Variants in TMEM272 observed in about 807,000 individuals in gnomAD.
TMEM272 encodes long intergenic non-protein coding RNA 282.
A neutral mutation model predicts 3.7 loss-of-function variants in TMEM272; 8 were observed. The ratio of observed to expected loss-of-function variants is 2.17; its 90% CI spans 1.27 to 3.91. The LOEUF is 3.91. Ranked by LOEUF, TMEM272 falls within the 30% of genes most tolerant of loss-of-function variation. TMEM272 has a pLI of 0.00. For synonymous variants in TMEM272, 63 were observed against 39.8 expected (o/e 1.58, Z -2.20); for missense variants, 166 against 91.5 (o/e 1.81, Z -3.32).
intron 4 of TMEM272, among the ~76,000 whole-genome samples, chr13:51,821,770 G>T (rs1956081782): frequency 6.7e-6 from 1 of 149,762 alleles, no homozygotes; most frequent in Non-Finnish European, 1.5e-5. Flanking sequence ...ATAACTGGCA[G>T]TCAGGGACTC....
the TMEM272 span, among the ~76,000 whole-genome samples, chr13:51,918,482 AG>A: frequency 6.6e-6 from 1 of 152,270 alleles, no homozygotes; most frequent in Non-Finnish European, 1.5e-5. Context: ...GAGGAATAGA[AG>A]AAGCAAAAAT....
At chr13:51,925,502 C>A in the TMEM272 span, among the ~76,000 whole-genome samples, 1 of 152,128 alleles carries the variant, frequency 6.6e-6, no homozygotes, top group Non-Finnish European at 1.5e-5. Context: ...GCAATACACA[C>A]ATCCCTACAC....
the TMEM272 span, among the ~76,000 whole-genome samples, chr13:51,922,882 C>A: frequency 6.6e-6 from 1 of 152,232 alleles, no homozygotes; most frequent in African/African-American, 2.4e-5. Flanking sequence ...ATCCTCCTAC[C>A]TCCCTCTTAG....
At chr13:51,869,488 G>T in the TMEM272 span, among the ~76,000 whole-genome samples, 1 of 134,370 alleles carries the variant, frequency 7.4e-6, no homozygotes, top group Non-Finnish European at 1.6e-5. Flanking sequence ...TCCCAATTCA[G>T]TAATTTTTTT....
intron 2 of TMEM272, among the ~76,000 whole-genome samples, chr13:51,836,359 G>T (rs1956216488): frequency 6.6e-6 from 1 of 152,084 alleles, no homozygotes; most frequent in Non-Finnish European, 1.5e-5. Flanking sequence ...GTGGTATTCT[G>T]TTATAGCAGC....
the TMEM272 span, among the ~76,000 whole-genome samples, chr13:51,852,880 CAAAA>C: frequency 4.5e-5 from 5 of 110,708 alleles, no homozygotes; most frequent in Non-Finnish European, 4.0e-5. Flanking sequence ...AAAACTCCGT[CAAAA>C]AAAAAAAAAA....
At chr13:51,928,361 C>G in the TMEM272 span, among the ~76,000 whole-genome samples, 2 of 152,174 alleles carry the variant, frequency 1.3e-5, no homozygotes, top group Non-Finnish European at 2.9e-5. Flanking sequence ...TTGAGCACTC[C>G]GGATGTGCCG....
chr13:51,828,507 G>C (rs993197427), intron 2 of TMEM272, among the ~76,000 whole-genome samples: 1 of 152,106 alleles, frequency 6.6e-6, no homozygotes, highest in African/African-American at 2.4e-5. Context: ...AATGTTGATG[G>C]GGGCAGGCAT....
At chr13:51,923,244 A>C in the TMEM272 span, among the ~76,000 whole-genome samples, 1 of 152,154 alleles carries the variant, frequency 6.6e-6, no homozygotes, top group East Asian at 1.9e-4. Context: ...TTGACAAACC[A>C]AGTCCAGTCC....
At chr13:51,844,262 G>GTAGACACACACACATATATATGTATA (rs1956286947) in intron 1 of TMEM272, among the ~76,000 whole-genome samples, 1 of 112,844 alleles carries the variant, frequency 8.9e-6, no homozygotes, top group Non-Finnish European at 1.8e-5. Context: ...ATATATGATT[G>GTAGACACACACACATATATATGTATA]TGTTTTTACT....
upstream of TMEM272, among the ~76,000 whole-genome samples, chr13:51,847,272 A>G (rs4245357): frequency 0.86 from 130,362 of 152,142 alleles, 56,361 homozygotes; most frequent in Middle Eastern, 0.92. Flanking sequence ...GCAGGTGAGC[A>G]ATCATTACCA....
chr13:51,865,884 C>G, the TMEM272 span: 1 of 1,613,476 alleles, frequency 6.2e-7, no homozygotes, highest in Non-Finnish European at 8.5e-7. Flanking sequence ...GAGGAAAGAG[C>G]CCTCCTTGAG....
intron 1 of TMEM272, among the ~76,000 whole-genome samples, chr13:51,842,128 C>T (rs1468463102): frequency 6.6e-6 from 1 of 152,182 alleles, no homozygotes; most frequent in Non-Finnish European, 1.5e-5. Context: ...AGCATAAACA[C>T]TAAACCACTG....
intron 2 of TMEM272, among the ~76,000 whole-genome samples, chr13:51,833,213 G>GTCCATCA (rs1566347538): frequency 6.6e-6 from 1 of 152,104 alleles, no homozygotes; most frequent in Non-Finnish European, 1.5e-5. Flanking sequence ...GGAGCTGAGC[G>GTCCATCA]TCCATCATCC....
chr13:51,839,943 A>G (rs1039780975), intron 1 of TMEM272, among the ~76,000 whole-genome samples: 7 of 152,126 alleles, frequency 4.6e-5, no homozygotes, highest in African/African-American at 1.7e-4. Flanking sequence ...TGTCAACAGG[A>G]CCTTTATGGC....
intron 1 of TMEM272, among the ~76,000 whole-genome samples, chr13:51,840,807 G>C (rs1240250673): frequency 6.6e-6 from 1 of 152,118 alleles, no homozygotes; most frequent in African/African-American, 2.4e-5. Flanking sequence ...CAAAAACTGT[G>C]GCTGTGATGT....
At chr13:51,914,203 G>A in the TMEM272 span, among the ~76,000 whole-genome samples, 2 of 152,216 alleles carry the variant, frequency 1.3e-5, no homozygotes, top group African/African-American at 2.4e-5. Flanking sequence ...CCAGTTCCAC[G>A]GGTGCTACAG....
At chr13:51,886,157 G>T in the TMEM272 span, among the ~76,000 whole-genome samples, 1 of 151,944 alleles carries the variant, frequency 6.6e-6, no homozygotes, top group Non-Finnish European at 1.5e-5. Context: ...GTGGTGTAGA[G>T]ATCTCAAGAG....
the TMEM272 span, among the ~76,000 whole-genome samples, chr13:51,867,317 T>C: frequency 1.3e-5 from 2 of 152,136 alleles, no homozygotes; most frequent in Non-Finnish European, 2.9e-5. Context: ...GTTCAGCAAG[T>C]AGCAAATAGG....
Sources: allele counts gnomAD v4.1 joint callset (sites outside exome capture counted in the v4.1 genomes callset), GRCh38; gene constraint gnomAD v4.1.1; transcripts MANE v1.5; gene names NCBI Gene and HGNC (gene_info 2026-07-23, HGNC 2026-07-21).